ZMYND8: variants seen among roughly 807,000 people sequenced by gnomAD.
ZMYND8 encodes the protein MYND-type zinc finger-containing chromatin reader ZMYND8.
A neutral mutation model predicts 140.8 loss-of-function variants in ZMYND8; 37 were observed. The ratio of observed to expected loss-of-function variants is 0.26; its 90% confidence interval spans 0.20 to 0.35. ZMYND8 has a LOEUF of 0.35. ZMYND8 is among the 10% of genes least tolerant of loss of function. The probability of loss-of-function intolerance (pLI) is 1.00; values close to 1 mark genes in which losing one functional copy is unlikely to be tolerated. For synonymous variants in ZMYND8, 592 were observed against 597.1 expected (o/e 0.99, Z 0.12); for missense variants, 1,068 against 1,570.0 (o/e 0.68, Z 5.40).
At chr20:47,337,210 G>C (rs1276305024) in intron 2 of ZMYND8, among the ~76,000 whole-genome samples, 1 of 151,980 alleles carries the variant, frequency 6.6e-6, no homozygotes, top group Non-Finnish European at 1.5e-5. Context: ...AAATTAGCCG[G>C]GCGTGGTGGC....
chr20:47,285,781 A>G (rs1326661326), intron 8 of ZMYND8: 7 of 984,568 alleles, frequency 7.1e-6, no homozygotes, highest in Admixed American at 1.2e-4. Flanking sequence ...TGTATGTAAT[A>G]CTATACAGCC....
chr20:47,269,840 G>A (rs548780356), intron 11 of ZMYND8, among the ~76,000 whole-genome samples: 2 of 152,216 alleles, frequency 1.3e-5, no homozygotes, highest in African/African-American at 4.8e-5. Context: ...CTCCTATGGT[G>A]CCATGCACAG....
chr20:47,289,101 C>CTAAA (rs567630771), intron 7 of ZMYND8, among the ~76,000 whole-genome samples: 96 of 152,046 alleles, frequency 6.3e-4, no homozygotes, highest in African/African-American at 1.5e-3. Context: ...GACTCTGTCT[C>CTAAA]TAAATAAATA....
intron 11 of ZMYND8, among the ~76,000 whole-genome samples, chr20:47,271,807 G>A (rs1366496284): frequency 1.3e-5 from 2 of 151,972 alleles, no homozygotes; most frequent in Non-Finnish European, 2.9e-5. Context: ...TCAGCCTCCT[G>A]TGTAGTTGGG....
At chr20:47,326,426 A>G (rs1282701672) in intron 2 of ZMYND8, among the ~76,000 whole-genome samples, 3 of 152,222 alleles carry the variant, frequency 2.0e-5, no homozygotes, top group African/African-American at 7.2e-5. Context: ...GAGGAGAGCT[A>G]TTGTTTCAGA....
rs377537473 is a variant in ZMYND8, at chr20:47,290,202, T to C, written c.733A>G (p.Ile245Val). 1.3e-5 allele frequency: 21 copies of C among 1,613,664 alleles called. No individual in the cohort carries two copies. Among genetic ancestry groups the C allele is most frequent in the South Asian group, 3.3e-5 (3 of 90,990 alleles). The change falls in exon 7 of 23, where the codon ATC becomes GTC. Residue 245 changes from isoleucine to valine, a missense_variant. Physicochemically the swap from Ile to Val is conservative, Grantham distance 29 (BLOSUM62 3). Around this residue, in one of 10 missense-constraint regions of ZMYND8, gnomAD observed 109 missense variants for 314.9 expected, o/e 0.35. Transcript: ENST00000471951. ...AGCCACTCACCCCCATTATAAATGA[T>C]GCAGTTGTGCAAAATCCACTTTGCA... ...ADAKWILHNCIIYNGGNHKLT... is the reference protein window; with the variant it reads ...ADAKWILHNCVIYNGGNHKLT...
chr20:47,255,900 C>A (rs2074670984), intron 12 of ZMYND8, among the ~76,000 whole-genome samples: 1 of 148,510 alleles, frequency 6.7e-6, no homozygotes, highest in Non-Finnish European at 1.5e-5. Flanking sequence ...ATGGTGAAAC[C>A]CTATCTCTAC....
In ZMYND8 at chr20:47,270,938, G is replaced by T. The variant is rs931261029; in HGVS notation, c.1480+5376C>A. On this transcript the variant is annotated intron_variant, in intron 11 of 22. Transcript: ENST00000471951. Reference sequence around the variant, plus strand: ...TAAAAATACAAAAAATTAGCCGGGCGTGGCGGCAGGCACCTGTAGTCCCAG... The same window carrying T: ...TAAAAATACAAAAAATTAGCCGGGCTTGGCGGCAGGCACCTGTAGTCCCAG... 7.2e-5 allele frequency among the ~76,000 whole-genome samples: 11 copies of T among 152,036 alleles called. No individual in the cohort carries two copies. In the South Asian group the frequency reaches 2.3e-3, roughly 32 times the overall value.
chr20:47,274,414 A>G (rs1043824005), intron 11 of ZMYND8, among the ~76,000 whole-genome samples: 2 of 152,244 alleles, frequency 1.3e-5, no homozygotes, highest in Non-Finnish European at 2.9e-5. Flanking sequence ...TTCAGGCAAC[A>G]CTAATTCACA....
At chr20:47,300,932 G>GTGTATA (rs2077991771) in intron 3 of ZMYND8, among the ~76,000 whole-genome samples, 1 of 122,832 alleles carries the variant, frequency 8.1e-6, no homozygotes, top group Non-Finnish European at 1.8e-5. Flanking sequence ...GTGTGTGTGT[G>GTGTATA]TGTTTTGTTT....
intron 6 of ZMYND8, among the ~76,000 whole-genome samples, chr20:47,290,937 T>G (rs1306276156): frequency 6.6e-6 from 1 of 152,198 alleles, no homozygotes; most frequent in Non-Finnish European, 1.5e-5. Flanking sequence ...ATTAGTCATA[T>G]GGTCTCACAC....
At chr20:47,223,406 T>TGAGGCAGGAGAATCAGTGG (rs1419716113) in intron 19 of ZMYND8, among the ~76,000 whole-genome samples, 5 of 152,048 alleles carry the variant, frequency 3.3e-5, no homozygotes, top group African/African-American at 1.2e-4. Flanking sequence ...CTTGGGAGGC[T>TGAGGCAGGAGAATCAGTGG]GAGGCAGGAG....
intron 3 of ZMYND8, among the ~76,000 whole-genome samples, chr20:47,304,432 T>A (rs1421163009): frequency 6.6e-6 from 1 of 152,230 alleles, no homozygotes; most frequent in Non-Finnish European, 1.5e-5. Flanking sequence ...AGTACATAAA[T>A]GAATGACTGT....
intron 4 of ZMYND8, 113 bp from the exon 5 acceptor site, chr20:47,294,892 A>G (rs999231886): frequency 1.7e-5 from 16 of 937,574 alleles, no homozygotes; most frequent in South Asian, 7.5e-5. Flanking sequence ...TCTCATCCCA[A>G]TGAGACTTGT....
chr20:47,274,451 A>C (rs2076140239), intron 11 of ZMYND8, among the ~76,000 whole-genome samples: 1 of 152,216 alleles, frequency 6.6e-6, no homozygotes, highest in South Asian at 2.1e-4. Flanking sequence ...TAAAATTTTA[A>C]ACATTTCCTG....
At chr20:47,288,856 C>T (rs1601622292) in intron 7 of ZMYND8, among the ~76,000 whole-genome samples, 1 of 152,186 alleles carries the variant, frequency 6.6e-6, no homozygotes, top group Non-Finnish European at 1.5e-5. Context: ...AATCCCAACA[C>T]TTTGGGAGGC....
intron 8 of ZMYND8, 118 bp from the exon 9 acceptor site, chr20:47,283,766 C>G: frequency 1.0e-6 from 1 of 971,056 alleles, no homozygotes; most frequent in Non-Finnish European, 1.6e-6. Flanking sequence ...GAGGGAACAC[C>G]TTGGAGATGA....
chr20:47,330,927 C>A (rs2080884706), intron 2 of ZMYND8, among the ~76,000 whole-genome samples: 2 of 152,202 alleles, frequency 1.3e-5, no homozygotes, highest in African/African-American at 2.4e-5. Flanking sequence ...AACTCATCCT[C>A]ATTTTGAGCC....
At chr20:47,223,067 A>G (rs1296511359) in intron 19 of ZMYND8, among the ~76,000 whole-genome samples, 1 of 152,214 alleles carries the variant, frequency 6.6e-6, no homozygotes, top group African/African-American at 2.4e-5. Flanking sequence ...TCATTTACAT[A>G]CCACCTTTGC....
Sources: gnomAD v4.1 joint callset for allele counts (sites outside exome capture counted in the v4.1 genomes callset) on GRCh38, gnomAD v4.1.1 for gene constraint, gnomAD v4.1.1 regional missense constraint, MANE v1.5 for transcripts, NCBI Gene and HGNC (gene_info 2026-07-23, HGNC 2026-07-21) for gene names.